Variants in PHC3 observed in about 807,000 individuals in gnomAD.
The protein encoded by PHC3 is polyhomeotic-like protein 3.
A neutral mutation model predicts 107.4 loss-of-function variants in PHC3; 13 were observed. That is an observed-to-expected ratio of 0.12 (90% CI 0.08 to 0.19). The LOEUF is 0.19. Ranked by LOEUF, PHC3 falls within the 10% of genes least tolerant of loss-of-function variation. The pLI is 1.00. For synonymous variants in PHC3, 456 were observed against 427.4 expected, an observed-to-expected ratio of 1.07 and a Z score of -0.83; for missense variants, 992 against 1,210.9, an observed-to-expected ratio of 0.82 and a Z score of 2.68.
chr3:170,179,917 T>C (rs1467648438), intron 1 of PHC3, among the ~76,000 whole-genome samples: 2 of 152,154 alleles, frequency 1.3e-5, no homozygotes, highest in African/African-American at 4.8e-5. Context: ...CCTTTTCTTA[T>C]CGGTCTTTTC....
At chr3:170,145,315 T>C (rs911191586) in intron 6 of PHC3, 108 bp downstream of exon 6, 10 of 754,690 alleles carry the variant, frequency 1.3e-5, no homozygotes, top group Admixed American at 3.3e-5. Flanking sequence ...CTGAAATGCA[T>C]GACAAAGAGC....
At chr3:170,149,022 T>C (rs766579579) in intron 5 of PHC3, 64 bp downstream of exon 5, 1 of 1,473,510 alleles carries the variant, frequency 6.8e-7, no homozygotes, top group Non-Finnish European at 9.3e-7. Flanking sequence ...TTGTATCAAA[T>C]CAAGAAACAT....
At chr3:170,115,038 A>G (rs769275370) in intron 10 of PHC3, among the ~76,000 whole-genome samples, 13 of 152,226 alleles carry the variant, frequency 8.5e-5, no homozygotes, top group Non-Finnish European at 1.6e-4. Flanking sequence ...AAAATAATTC[A>G]GCAATACGTA....
intron 2 of PHC3, among the ~76,000 whole-genome samples, chr3:170,177,718 T>C (rs1422641252): frequency 1.4e-5 from 2 of 140,978 alleles, no homozygotes; most frequent in Non-Finnish European, 3.0e-5. Flanking sequence ...TCACCTAGAC[T>C]GGAGTACAGT....
chr3:170,170,313 C>A (rs371962656), intron 4 of PHC3: 20 of 150,744 alleles, frequency 1.3e-4, no homozygotes, highest in African/African-American at 4.6e-4. Flanking sequence ...GCAGTTTGCC[C>A]CCCACCAGGA....
Position 170,136,422 on chromosome 3 carries a change from G to T in PHC3, c.916C>A (p.Pro306Thr). Residue 306 changes from proline to threonine, a missense_variant, in exon 7 of 15, where the codon CCA becomes ACA. Pro to Thr is a conservative substitution (Grantham distance 38). Around this residue, in one of 6 missense-constraint regions of PHC3, gnomAD observed 543 missense variants for 590.8 expected, o/e 0.92. Transcript: ENST00000495893. ...TTCAACAAAAGTTTTATCCCACCTG[G>T]TGCTATTAACTGGTGAATACTTGAT... ...RTSSIHQLIA[P>T]ASYSPIQPHS... 1 of 1,610,424 alleles carries T rather than the reference G, an allele frequency of 6.2e-7. No individual in the cohort carries two copies. Among genetic ancestry groups the T allele is most frequent in the Non-Finnish European group, 8.5e-7 (1 of 1,178,836 alleles).
intron 4 of PHC3, among the ~76,000 whole-genome samples, chr3:170,163,881 A>AGGC: frequency 2.9e-5 from 4 of 135,850 alleles, no homozygotes; most frequent in African/African-American, 8.7e-5. Context: ...AAAAAAAAAA[A>AGGC]AAAGGCAGGC....
chr3:170,117,593 G>T, intron 9 of PHC3, 117 bp from the exon 10 acceptor site: 2 of 1,053,008 alleles, frequency 1.9e-6, no homozygotes, highest in Non-Finnish European at 2.7e-6. Flanking sequence ...TTCAAAAACT[G>T]TTCTAAGAAC....
chr3:170,141,268 C>T (rs1467543789), intron 6 of PHC3, among the ~76,000 whole-genome samples: 1 of 152,156 alleles, frequency 6.6e-6, no homozygotes, highest in Non-Finnish European at 1.5e-5. Context: ...CTACCAATGC[C>T]AGACTCACTC....
intron 9 of PHC3, among the ~76,000 whole-genome samples, chr3:170,122,212 A>G (rs1720483564): frequency 1.3e-5 from 2 of 152,222 alleles, no homozygotes; most frequent in South Asian, 4.1e-4. Context: ...TTGAGCCTGG[A>G]TGACAGAGAC....
chr3:170,144,794 C>A (rs1724686106), intron 6 of PHC3, among the ~76,000 whole-genome samples: 1 of 152,180 alleles, frequency 6.6e-6, no homozygotes, highest in Non-Finnish European at 1.5e-5. Flanking sequence ...CAGCCTCAAT[C>A]TCCCAGGCTC....
chr3:170,172,422 A>G (rs958240426), intron 3 of PHC3, 135 bp downstream of exon 3: 3 of 915,314 alleles, frequency 3.3e-6, no homozygotes, highest in Non-Finnish European at 1.6e-6. Context: ...TCGGCAACCT[A>G]TTAATATATT....
At chr3:170,126,528 A>ATATTTTTTTTTTTTT (rs370421296) in intron 8 of PHC3, among the ~76,000 whole-genome samples, 2 of 90,640 alleles carry the variant, frequency 2.2e-5, no homozygotes, top group Non-Finnish European at 4.2e-5. Flanking sequence ...ATATATATAT[A>ATATTTTTTTTTTTTT]TTTTTTTTTT....
chr3:170,112,814 G>A (rs772601291), intron 11 of PHC3, among the ~76,000 whole-genome samples: 5 of 152,120 alleles, frequency 3.3e-5, no homozygotes, highest in African/African-American at 4.8e-5. Context: ...ATGAGCCATC[G>A]TGCCTGGCCT....
chr3:170,172,601 G>A lies in PHC3; in HGVS notation c.292C>T (p.Gln98Ter). The stretch of plus-strand genomic sequence containing the variant: ...TGAAGCTGGGAGCTGCTTAAATGCT[G>A]CTGCTGAAGAGCTGCAGTATGCAGC... ...LMLHTAALQQ[Q>*]HLSSSQLQSL... The change falls in exon 3 of 15, where the codon CAG becomes TAG. Residue 98 changes from glutamine to a stop codon, truncating the protein, a stop_gained. Transcript: ENST00000495893. LOFTEE classifies it high-confidence loss of function. The A allele has an allele frequency of 6.2e-7, 1 of 1,613,648 alleles. No homozygotes were observed.
rs1336936029 is a variant in PHC3 at position 170,178,800 on chromosome 3, G to A, written c.153C>T (p.Tyr51=). Residue 51 remains tyrosine, a synonymous_variant, in exon 2 of 15, where the codon TAC becomes TAT. Coordinates refer to ENST00000495893, the MANE Select transcript of PHC3 (RefSeq NM_024947.4). ...SRMQQPQISV[Y]SGSDRHAVQV... ...GTACAGCATGTCGGTCTGAACCACT[G>A]TAGACAGAGATCTGTGGCTGCTGCA... The A allele has an allele frequency of 1.2e-6, 2 of 1,613,898 alleles. No individual in the cohort carries two copies. Among genetic ancestry groups the A allele is most frequent in the Non-Finnish European group, 1.7e-6 (2 of 1,179,910 alleles).
At chr3:170,109,371 A>C in intron 11 of PHC3, among the ~76,000 whole-genome samples, 1 of 152,156 alleles carries the variant, frequency 6.6e-6, no homozygotes, top group Non-Finnish European at 1.5e-5. Context: ...CATTGGTTAG[A>C]ATGTGATCAT....
chr3:170,150,896 A>T (rs993570842), intron 4 of PHC3, among the ~76,000 whole-genome samples: 8 of 151,870 alleles, frequency 5.3e-5, no homozygotes, highest in Non-Finnish European at 7.4e-5. Flanking sequence ...GACCACATGT[A>T]TATATTACCC....
rs1320926969 is a variant in PHC3 at position 170,089,660 on chromosome 3, T to TA, written c.*7569dup. ...GGACAGGTGTGGTGGCTCATGCCTG[T>TA]AATCCCAGCACTTAGGGAGGCCAAG... On this transcript the variant is annotated 3_prime_UTR_variant, in exon 15 of 15. Coordinates refer to ENST00000495893, the MANE Select transcript of PHC3 (RefSeq NM_024947.4). The TA allele has an allele frequency of 6.6e-6, 1 of 152,242 alleles. No individual in the cohort carries two copies. The highest frequency in any genetic ancestry group is 6.5e-5 in the Admixed American group (1 of 15,282). The allele number at this position is 152,242 out of a possible 1,614,324, so 9.4% of individuals were successfully genotyped here. A position where few individuals can be genotyped will look rare whatever the true frequency, so the allele number is the denominator to read the frequency against.
Sources: allele counts gnomAD v4.1 joint callset (sites outside exome capture counted in the v4.1 genomes callset), GRCh38; gene constraint gnomAD v4.1.1; regional missense constraint gnomAD v4.1.1; transcripts MANE v1.5; gene names NCBI Gene and HGNC (gene_info 2026-07-23, HGNC 2026-07-21).